Variants in GUCY2C observed in about 807,000 individuals in gnomAD.
GUCY2C encodes the protein guanylyl cyclase C.
Under a neutral mutation model 131.1 loss-of-function variants are expected in GUCY2C, and 118 were observed. The observed-to-expected ratio is 0.90, with a 90% confidence interval of 0.78 to 1.05. GUCY2C has a LOEUF of 1.05. Among genes scored for constraint, GUCY2C ranks in the 50% least tolerant of loss-of-function variants. GUCY2C has a pLI of 0.00. For missense variants in GUCY2C, 1,161 were observed against 1,304.4 expected (o/e 0.89, Z 1.69); for synonymous variants, 452 against 457.8 (o/e 0.99, Z 0.16).
Position 14,653,394 on chromosome 12 carries a change from G to T in GUCY2C, c.1471-380C>A, listed in dbSNP as rs544489139. On this transcript the variant is annotated intron_variant, in intron 12 of 26. Coordinates refer to ENST00000261170, the MANE Select transcript of GUCY2C (RefSeq NM_004963.4). ...TTTGAGTTGCACACTCATGCCTAAAGGCCCAAGTAGCAATGCAAATGATAA... is the reference window on the plus strand; with the variant it reads ...TTTGAGTTGCACACTCATGCCTAAATGCCCAAGTAGCAATGCAAATGATAA... Among the ~76,000 whole-genome samples, 16 of 152,294 alleles carry T rather than the reference G, an allele frequency of 1.1e-4. No homozygotes were observed. In the South Asian group the frequency reaches 3.3e-3, roughly 32 times the overall value.
At chr12:14,650,837 A>ATT (rs1947640007) in intron 15 of GUCY2C, among the ~76,000 whole-genome samples, 1 of 152,214 alleles carries the variant, frequency 6.6e-6, no homozygotes, top group Non-Finnish European at 1.5e-5. Flanking sequence ...TTTAAAAGAG[A>ATT]TAGTAACATA....
intron 10 of GUCY2C, among the ~76,000 whole-genome samples, chr12:14,664,865 C>T (rs776252993): frequency 6.6e-6 from 1 of 151,680 alleles, no homozygotes; most frequent in Non-Finnish European, 1.5e-5. Flanking sequence ...TTCATTCATT[C>T]ATTCATTCAT....
At chr12:14,674,576 A>C in intron 8 of GUCY2C, 49 bp downstream of exon 8, 1 of 1,578,434 alleles carries the variant, frequency 6.3e-7, no homozygotes, top group Non-Finnish European at 8.7e-7. Flanking sequence ...CCACTCAGAA[A>C]GCCTACATTT....
chr12:14,637,678 A>G (rs984286270), intron 19 of GUCY2C, among the ~76,000 whole-genome samples: 2 of 152,138 alleles, frequency 1.3e-5, no homozygotes, highest in South Asian at 2.1e-4. Flanking sequence ...CCAAGAACAT[A>G]CAATGGGGAA....
At chr12:14,614,313 G>A (rs1387127303) in intron 26 of GUCY2C, among the ~76,000 whole-genome samples, 1 of 152,090 alleles carries the variant, frequency 6.6e-6, no homozygotes, top group Non-Finnish European at 1.5e-5. Context: ...CCAGACTCAG[G>A]AAACTTTTAA....
At chr12:14,653,150 A>G in intron 12 of GUCY2C, 136 bp from the exon 13 acceptor site, 1 of 751,558 alleles carries the variant, frequency 1.3e-6, no homozygotes, top group Non-Finnish European at 2.4e-6. Context: ...GGCTTCCAGA[A>G]AAACTGTTGT....
chr12:14,621,686 T>C (rs1172810643), intron 22 of GUCY2C, among the ~76,000 whole-genome samples: 1 of 152,230 alleles, frequency 6.6e-6, no homozygotes, highest in Non-Finnish European at 1.5e-5. Flanking sequence ...TCTGCTTCAT[T>C]TGCAGTCAGC....
intron 3 of GUCY2C, among the ~76,000 whole-genome samples, chr12:14,684,977 C>T (rs542700741): frequency 6.6e-6 from 1 of 152,198 alleles, no homozygotes; most frequent in East Asian, 1.9e-4. Flanking sequence ...GATCCCTGCC[C>T]TCTGCAGTTT....
chr12:14,646,779 T>G (rs1484518061), intron 15 of GUCY2C, among the ~76,000 whole-genome samples: 3 of 152,222 alleles, frequency 2.0e-5, no homozygotes, highest in Admixed American at 2.0e-4. Context: ...ATTTATTCTT[T>G]AAAATTATTG....
intron 6 of GUCY2C, among the ~76,000 whole-genome samples, chr12:14,677,882 A>G (rs1312531862): frequency 6.6e-6 from 1 of 151,810 alleles, no homozygotes; most frequent in Non-Finnish European, 1.5e-5. Flanking sequence ...ACCCAGCCTC[A>G]AATGCTGTGG....
intron 19 of GUCY2C, among the ~76,000 whole-genome samples, chr12:14,634,163 A>C (rs544192647): frequency 2.6e-5 from 4 of 152,192 alleles, no homozygotes; most frequent in Non-Finnish European, 5.9e-5. Context: ...TTATAAGGAA[A>C]CCCCCATCAG....
At chr12:14,633,210 T>A (rs1384704796) in intron 19 of GUCY2C, among the ~76,000 whole-genome samples, 2 of 152,162 alleles carry the variant, frequency 1.3e-5, no homozygotes, top group Admixed American at 1.3e-4. Flanking sequence ...CAAGGGGCCC[T>A]GAGGACCAGC....
At chr12:14,623,258 A>G (rs769609332) in intron 21 of GUCY2C, among the ~76,000 whole-genome samples, 17 of 152,184 alleles carry the variant, frequency 1.1e-4, no homozygotes, top group Admixed American at 6.5e-4. Context: ...TTGGATATTC[A>G]GGAAGATGGG....
chr12:14,651,353 C>T, intron 15 of GUCY2C, 54 bp downstream of exon 15: 2 of 869,338 alleles, frequency 2.3e-6, no homozygotes, highest in Non-Finnish European at 3.9e-6. Context: ...TTTTAAAAGG[C>T]CTGCTGAATA....
At chr12:14,652,794 A>G (rs1287693724) in intron 13 of GUCY2C, among the ~76,000 whole-genome samples, 158 bp downstream of exon 13, 1 of 152,162 alleles carries the variant, frequency 6.6e-6, no homozygotes, top group Non-Finnish European at 1.5e-5. Context: ...CCCTTGAAGC[A>G]GGGCCCTGCC....
intron 4 of GUCY2C, 73 bp downstream of exon 4, chr12:14,682,969 A>G (rs765419988): frequency 5.6e-5 from 54 of 957,896 alleles, no homozygotes; most frequent in Non-Finnish European, 9.0e-5. Flanking sequence ...TCTGGTAATA[A>G]CTAGGTGGCC....
chr12:14,683,527 A>G (rs1948394433), intron 3 of GUCY2C, among the ~76,000 whole-genome samples: 1 of 152,194 alleles, frequency 6.6e-6, no homozygotes, highest in Non-Finnish European at 1.5e-5. Context: ...GTGAGTCATC[A>G]TGATATCTGG....
At chr12:14,639,987 A>C (rs1344504821) in intron 18 of GUCY2C, 37 bp from the exon 19 acceptor site, 1 of 1,262,086 alleles carries the variant, frequency 7.9e-7, no homozygotes, top group African/African-American at 1.5e-5. Context: ...ACAAAGAAGA[A>C]TACAGCATGA....
In GUCY2C at chr12:14,684,324, T is replaced by G. The variant is rs550520015; in HGVS notation, c.396-1067A>C. Among the ~76,000 whole-genome samples, 10 of 152,270 alleles carry G rather than the reference T, an allele frequency of 6.6e-5. No individual in the cohort carries two copies. In the East Asian group the frequency reaches 1.9e-3, roughly 29 times the overall value. On this transcript the variant is annotated intron_variant, in intron 3 of 26. Coordinates refer to ENST00000261170, the MANE Select transcript of GUCY2C (RefSeq NM_004963.4). ...ATTTCCCTGCTTGTTTGCTTTTACA[T>G]GTACTTCTCTCCCTCTGCCTGGCTA...
Sources: gnomAD v4.1 joint callset for allele counts (sites outside exome capture counted in the v4.1 genomes callset) on GRCh38, gnomAD v4.1.1 for gene constraint, MANE v1.5 for transcripts, NCBI Gene and HGNC (gene_info 2026-07-23, HGNC 2026-07-21) for gene names.